The following PRKAR1A variants were observed in gnomAD, a reference collection of about 807,000 sequenced individuals.
PRKAR1A encodes the protein cAMP-dependent protein kinase type I-alpha regulatory subunit.
A neutral mutation model predicts 52.0 loss-of-function variants in PRKAR1A; 3 were observed. The observed-to-expected ratio is 0.06, with a 90% CI of 0.03 to 0.15. PRKAR1A has a LOEUF of 0.15. Among genes scored for constraint, PRKAR1A ranks in the 10% least tolerant of loss-of-function variants. The pLI is 1.00. For synonymous variants in PRKAR1A, 188 were observed against 168.4 expected, an observed-to-expected ratio of 1.12 and a Z score of -0.90; for missense variants, 240 against 477.4, an observed-to-expected ratio of 0.50 and a Z score of 4.63.
the PRKAR1A span, among the ~76,000 whole-genome samples, chr17:68,474,746 T>A: frequency 2.4e-4 from 37 of 152,090 alleles, no homozygotes; most frequent in African/African-American, 8.4e-4. Context: ...ATACAAAAAA[T>A]TAGCTGGGCG....
At chr17:68,474,670 C>T in the PRKAR1A span, among the ~76,000 whole-genome samples, 1 of 152,030 alleles carries the variant, frequency 6.6e-6, no homozygotes, top group African/African-American at 2.4e-5. Context: ...CCGAGGCGGG[C>T]GGATAACGAG....
At chr17:68,494,617 A>G in the PRKAR1A span, among the ~76,000 whole-genome samples, 5 of 152,196 alleles carry the variant, frequency 3.3e-5, no homozygotes, top group Non-Finnish European at 7.3e-5. Context: ...AAAGCCATGC[A>G]GCTTTTGCCT....
chr17:68,547,539 T>C (rs2086625847), intron 11 of PRKAR1A, among the ~76,000 whole-genome samples: 1 of 152,260 alleles, frequency 6.6e-6, no homozygotes, highest in South Asian at 2.1e-4. Context: ...CATCAGCACT[T>C]ACTGCTTCAC....
At chr17:68,537,614 C>A (rs2086132004), downstream of PRKAR1A, 2 of 1,613,640 alleles carry the variant, frequency 1.2e-6, no homozygotes, top group South Asian at 2.2e-5. The surrounding 1 kb of genome is among the most constrained non-coding windows in gnomAD (Gnocchi z 4.2). Context: ...CGATCCAGGG[C>A]AAGGAGGTGG....
chr17:68,541,097 A>C, intron 11 of PRKAR1A: 1 of 1,337,414 alleles, frequency 7.5e-7, no homozygotes, highest in Non-Finnish European at 1.0e-6. Flanking sequence ...AAAATTCAGA[A>C]AGGCCCTGGG....
chr17:68,429,626 T>C, the PRKAR1A span, among the ~76,000 whole-genome samples: 1 of 152,078 alleles, frequency 6.6e-6, no homozygotes, highest in Admixed American at 6.6e-5. Context: ...TCTTGCTCTG[T>C]CGCCCAGGCT....
the PRKAR1A span, among the ~76,000 whole-genome samples, chr17:68,466,447 T>C: frequency 2.1e-5 from 3 of 145,680 alleles, no homozygotes; most frequent in African/African-American, 7.8e-5. Context: ...AGTCTCACTC[T>C]GTCACCCAGG....
chr17:68,455,022 G>A, the PRKAR1A span, among the ~76,000 whole-genome samples: 1 of 152,142 alleles, frequency 6.6e-6, no homozygotes, highest in Non-Finnish European at 1.5e-5. Flanking sequence ...ACCACTCATG[G>A]AAACAGAGCT....
the PRKAR1A span, chr17:68,413,679 A>G: frequency 6.3e-6 from 1 of 157,780 alleles, no homozygotes; most frequent in South Asian, 2.0e-4. Context: ...TTACCTAATC[A>G]AGCCTGGGCA....
chr17:68,460,700 A>G, the PRKAR1A span, among the ~76,000 whole-genome samples: 1 of 152,260 alleles, frequency 6.6e-6, no homozygotes, highest in African/African-American at 2.4e-5. Context: ...CTGTATTTGT[A>G]GGTAAATTTA....
intron 11 of PRKAR1A, among the ~76,000 whole-genome samples, chr17:68,548,696 A>C (rs574439460): frequency 6.6e-6 from 1 of 151,326 alleles, no homozygotes; most frequent in Admixed American, 6.6e-5. Context: ...AATAAAGTGA[A>C]ACGCAGATAC....
At chr17:68,438,268 T>C in the PRKAR1A span, among the ~76,000 whole-genome samples, 1 of 152,212 alleles carries the variant, frequency 6.6e-6, no homozygotes, top group Non-Finnish European at 1.5e-5. Flanking sequence ...CCTTTGGCGA[T>C]ACAAGGTCAT....
the PRKAR1A span, among the ~76,000 whole-genome samples, chr17:68,419,436 C>T: frequency 6.6e-6 from 1 of 151,978 alleles, no homozygotes; most frequent in Admixed American, 6.6e-5. Context: ...ATTAGCCGAG[C>T]GTGGTGGCAG....
At chr17:68,461,835 G>T in the PRKAR1A span, among the ~76,000 whole-genome samples, 1 of 152,154 alleles carries the variant, frequency 6.6e-6, no homozygotes, top group African/African-American at 2.4e-5. This position sits in a 1 kb window ranked among gnomAD's most constrained non-coding sequence, Gnocchi z 4.6. Flanking sequence ...AAGAGGAGGG[G>T]TTGGGCTGTG....
the PRKAR1A span, among the ~76,000 whole-genome samples, chr17:68,456,244 A>AT: frequency 6.6e-6 from 1 of 152,218 alleles, no homozygotes; most frequent in Non-Finnish European, 1.5e-5. Flanking sequence ...ACAAAGGCAT[A>AT]TTGTTCAGCA....
chr17:68,426,253 G>GGGGCCCCCCCCCC, the PRKAR1A span: 3 of 841,018 alleles, frequency 3.6e-6, no homozygotes, highest in East Asian at 3.4e-5. Flanking sequence ...GGGGAGCGGG[G>GGGGCCCCCCCCCC]GCTCAAATAA....
chr17:68,426,664 C>T, the PRKAR1A span, among the ~76,000 whole-genome samples: 2 of 152,154 alleles, frequency 1.3e-5, no homozygotes, highest in Non-Finnish European at 2.9e-5. Context: ...TCCGGAGTAG[C>T]TGGGATTGCA....
chr17:68,546,703 G>A (rs866714689), intron 11 of PRKAR1A, among the ~76,000 whole-genome samples: 12 of 151,882 alleles, frequency 7.9e-5, no homozygotes, highest in African/African-American at 9.7e-5. Context: ...GGTGGCCGGC[G>A]CCTGTAGTCC....
At chr17:68,536,377 A>C (rs1262403246), downstream of PRKAR1A, 4 of 454,016 alleles carry the variant, frequency 8.8e-6, no homozygotes, top group African/African-American at 8.0e-5. Flanking sequence ...TCGGTCATTA[A>C]TTATGGAATA....
Sources: allele counts gnomAD v4.1 joint callset (sites outside exome capture counted in the v4.1 genomes callset), GRCh38; gene constraint gnomAD v4.1.1; non-coding constraint Gnocchi (gnomAD v3.1); transcripts MANE v1.5; gene names NCBI Gene and HGNC (gene_info 2026-07-23, HGNC 2026-07-21).